The following SLC35F3 variants were observed in gnomAD, a reference collection of about 807,000 sequenced individuals.
The protein encoded by SLC35F3 is solute carrier family 35 member F3, also known as putative thiamine transporter SLC35F3.
A neutral mutation model predicts 49.9 loss-of-function variants in SLC35F3; 25 were observed. That is an observed-to-expected ratio of 0.50 (90% CI 0.37 to 0.70). The LOEUF (loss-of-function observed/expected upper bound fraction) is 0.70. Ranked by LOEUF, SLC35F3 falls within the 30% of genes least tolerant of loss-of-function variation. The pLI is 0.00. For synonymous variants in SLC35F3, 275 were observed against 265.4 expected, an observed-to-expected ratio of 1.04 and a Z score of -0.35; for missense variants, 525 against 639.8, an observed-to-expected ratio of 0.82 and a Z score of 1.94.
At chr1:234,160,031 T>C (rs1666204243) in intron 2 of SLC35F3, among the ~76,000 whole-genome samples, 1 of 152,190 alleles carries the variant, frequency 6.6e-6, no homozygotes, top group Non-Finnish European at 1.5e-5. Context: ...CAAACCTGCC[T>C]CCTTCATTTA....
chr1:234,037,181 A>G (rs892841906), intron 2 of SLC35F3, among the ~76,000 whole-genome samples: 2 of 152,192 alleles, frequency 1.3e-5, no homozygotes, highest in African/African-American at 2.4e-5. Flanking sequence ...GCATCTGCTT[A>G]TGATAAGGGC....
At chr1:234,171,071 A>T (rs537032811) in intron 2 of SLC35F3, among the ~76,000 whole-genome samples, 1 of 152,324 alleles carries the variant, frequency 6.6e-6, no homozygotes, top group South Asian at 2.1e-4. Context: ...ACTTCTCCCC[A>T]ACCCAGGGGT....
chr1:234,197,751 T>C (rs1666835588), intron 2 of SLC35F3, among the ~76,000 whole-genome samples: 1 of 152,258 alleles, frequency 6.6e-6, no homozygotes, highest in East Asian at 1.9e-4. Flanking sequence ...ATAGCAGAGA[T>C]GCTAGAATCT....
intron 2 of SLC35F3, among the ~76,000 whole-genome samples, chr1:233,947,284 C>T (rs1050603878): frequency 5.9e-5 from 9 of 152,004 alleles, no homozygotes; most frequent in Non-Finnish European, 1.0e-4. Context: ...CCACATAGGG[C>T]ATATGTCCAT....
At chr1:234,173,689 G>A (rs537240680) in intron 2 of SLC35F3, among the ~76,000 whole-genome samples, 1 of 152,336 alleles carries the variant, frequency 6.6e-6, no homozygotes, top group Non-Finnish European at 1.5e-5. Context: ...GAAGTTTTAG[G>A]ATGGAATGTG....
At chr1:234,202,978 G>C (rs1666921833) in intron 2 of SLC35F3, among the ~76,000 whole-genome samples, 1 of 152,196 alleles carries the variant, frequency 6.6e-6, no homozygotes, top group Non-Finnish European at 1.5e-5. Flanking sequence ...ACTCTCCCCA[G>C]CTCAGAGCTC....
At chr1:233,910,721 G>A (rs1257560171) in intron 2 of SLC35F3, among the ~76,000 whole-genome samples, 2 of 152,278 alleles carry the variant, frequency 1.3e-5, no homozygotes, top group East Asian at 3.9e-4. Context: ...TTTTTGAAGG[G>A]GGTCATGCTT....
At chr1:234,162,054 C>A (rs991042756) in intron 2 of SLC35F3, among the ~76,000 whole-genome samples, 1 of 152,100 alleles carries the variant, frequency 6.6e-6, no homozygotes, top group African/African-American at 2.4e-5. Context: ...TAGGGCTCAC[C>A]CCTACCTCTT....
chr1:234,071,282 G>T (rs1043479583), intron 2 of SLC35F3, among the ~76,000 whole-genome samples: 1 of 152,198 alleles, frequency 6.6e-6, no homozygotes, highest in African/African-American at 2.4e-5. Context: ...TATGGGCCAG[G>T]CACTGTTCAA....
At chr1:234,039,941 A>G (rs948126147) in intron 2 of SLC35F3, among the ~76,000 whole-genome samples, 9 of 152,108 alleles carry the variant, frequency 5.9e-5, no homozygotes, top group African/African-American at 1.7e-4. Flanking sequence ...GCCTCATCAC[A>G]TGGGGTGGCT....
intron 2 of SLC35F3, among the ~76,000 whole-genome samples, chr1:234,055,883 A>T (rs1293848397): frequency 6.6e-6 from 1 of 152,190 alleles, no homozygotes; most frequent in African/African-American, 2.4e-5. Flanking sequence ...AATTTCTTTT[A>T]AAATATTTTA....
At position 233,981,525 on chromosome 1, in the gene SLC35F3, C is replaced by T. The variant is rs117549291; in HGVS notation, c.283+75767C>T. ...TTTCTTGCTGAGCGGGATTCAACAG[C>T]GTGGATGTGTCACAATTTGTTTTAC... On this transcript the variant is annotated intron_variant, in intron 2 of 7. Coordinates refer to ENST00000366618, the MANE Select transcript of SLC35F3 (RefSeq NM_173508.4). 7.8e-4 allele frequency among the ~76,000 whole-genome samples: 119 copies of T among 152,268 alleles called. 2 individuals are homozygous for T. The East Asian group carries it at 0.02, about 25-fold the overall frequency.
At chr1:234,294,605 T>A (rs983166262) in intron 3 of SLC35F3, among the ~76,000 whole-genome samples, 3 of 152,212 alleles carry the variant, frequency 2.0e-5, no homozygotes, top group African/African-American at 7.2e-5. Context: ...AGTTTTAAGA[T>A]ACCCACTTGC....
At chr1:234,182,042 G>A (rs571255532) in intron 2 of SLC35F3, among the ~76,000 whole-genome samples, 34 of 152,270 alleles carry the variant, frequency 2.2e-4, no homozygotes, top group Admixed American at 9.8e-4. Flanking sequence ...TACGAATGGC[G>A]AAAGGAATTA....
intron 2 of SLC35F3, among the ~76,000 whole-genome samples, chr1:233,933,589 G>T (rs2102795013): frequency 6.6e-6 from 1 of 152,304 alleles, no homozygotes; most frequent in Non-Finnish European, 1.5e-5. Context: ...ACTGGGCTGG[G>T]TGTGGTGGCT....
intron 2 of SLC35F3, among the ~76,000 whole-genome samples, chr1:234,171,016 G>A (rs1236726584): frequency 2.6e-5 from 4 of 152,174 alleles, no homozygotes; most frequent in Admixed American, 6.5e-5. Context: ...TAGGTTCAGC[G>A]TTTGTCAGCT....
chr1:234,000,983 C>G (rs1663544627), intron 2 of SLC35F3, among the ~76,000 whole-genome samples: 2 of 152,318 alleles, frequency 1.3e-5, no homozygotes, highest in South Asian at 4.1e-4. Context: ...AGGAGCAAGT[C>G]TTACGCCAAG....
intron 3 of SLC35F3, among the ~76,000 whole-genome samples, chr1:234,237,475 A>G (rs976943553): frequency 1.3e-5 from 2 of 152,232 alleles, no homozygotes; most frequent in African/African-American, 4.8e-5. Context: ...CTTTTCAGGC[A>G]CAGTGGTAAA....
intron 3 of SLC35F3, among the ~76,000 whole-genome samples, chr1:234,278,388 G>A (rs1231936192): frequency 6.6e-6 from 1 of 151,878 alleles, no homozygotes; most frequent in African/African-American, 2.4e-5. Context: ...TACTCAGGAG[G>A]CTGAAGCACA....
Sources: allele counts gnomAD v4.1 joint callset (sites outside exome capture counted in the v4.1 genomes callset), GRCh38; gene constraint gnomAD v4.1.1; transcripts MANE v1.5; gene names NCBI Gene and HGNC (gene_info 2026-07-23, HGNC 2026-07-21).